Variants in BCAS1 observed in about 807,000 individuals in gnomAD.
BCAS1 encodes brain enriched myelin associated protein 1, also known as breast carcinoma-amplified sequence 1.
Under a neutral mutation model 65.4 loss-of-function variants are expected in BCAS1, and 46 were observed. The ratio of observed to expected loss-of-function variants is 0.70; its 90% CI spans 0.55 to 0.90. The LOEUF (loss-of-function observed/expected upper bound fraction) is 0.90, where lower values mean the gene tolerates loss of function less well. BCAS1 is among the 40% of genes least tolerant of loss of function. The pLI is 0.00. For synonymous variants in BCAS1, 298 were observed against 293.5 expected, an observed-to-expected ratio of 1.02 and a Z score of -0.16; for missense variants, 793 against 771.2, an observed-to-expected ratio of 1.03 and a Z score of -0.33.
intron 10 of BCAS1, 79 bp downstream of exon 10, chr20:53,966,827 T>C (rs1270172985): frequency 2.2e-6 from 3 of 1,345,908 alleles, no homozygotes; most frequent in Admixed American, 4.6e-5. Flanking sequence ...TGTCTCCTAC[T>C]ACCTGTGGCA....
chr20:53,969,614 T>C lies in BCAS1; in HGVS notation c.1318-2541A>G, dbSNP rs144640602. 7.0e-3 allele frequency among the ~76,000 whole-genome samples: 1,066 copies of C among 152,308 alleles called. 20 individuals carry two copies. Among genetic ancestry groups the C allele is most frequent in the African/African-American group, 0.024 (1,000 of 41,558 alleles). The stretch of plus-strand genomic sequence containing the variant: ...AATAGTGGCTTAACCAATGAAAACA[T>C]GGAACAAGAAGTTCTGGGGTTGGTT... On this transcript the variant is annotated intron_variant, in intron 9 of 12. Transcript: ENST00000688948.
intron 4 of BCAS1, among the ~76,000 whole-genome samples, chr20:53,997,770 C>T (rs768795408): frequency 6.6e-6 from 1 of 152,046 alleles, no homozygotes. Context: ...AAAACGTATC[C>T]GGGCTGGGCA....
intron 9 of BCAS1, among the ~76,000 whole-genome samples, chr20:53,974,703 CAG>C (rs2090278118): frequency 6.6e-6 from 1 of 152,146 alleles, no homozygotes; most frequent in South Asian, 2.1e-4. Flanking sequence ...TCTTTCAAGG[CAG>C]AGAGCTGTTG....
chr20:54,058,805 G>T, intron 1 of BCAS1, 82 bp from the exon 2 acceptor site: 1 of 1,514,510 alleles, frequency 6.6e-7, no homozygotes, highest in East Asian at 2.3e-5. Context: ...GCAGAGGCCT[G>T]ACAAGCCGCC....
At chr20:53,958,243 G>C (rs575445417) in intron 10 of BCAS1, among the ~76,000 whole-genome samples, 1 of 152,300 alleles carries the variant, frequency 6.6e-6, no homozygotes, top group Admixed American at 6.5e-5. Context: ...GCCATATACA[G>C]GTTCAGACTC....
chr20:53,996,106 C>A, intron 4 of BCAS1, 56 bp from the exon 5 acceptor site: 2 of 1,509,808 alleles, frequency 1.3e-6, no homozygotes, highest in South Asian at 2.7e-5. Flanking sequence ...CTCTCAAAGT[C>A]ATACTTTTGC....
chr20:53,997,320 A>G (rs1349161314), intron 4 of BCAS1, among the ~76,000 whole-genome samples: 2 of 152,238 alleles, frequency 1.3e-5, no homozygotes, highest in African/African-American at 4.8e-5. Context: ...AAATTTTACA[A>G]ACATAGAATA....
In BCAS1 at chr20:54,027,586, G is replaced by C. The variant is rs77229046; in HGVS notation, c.723+806C>G. Among the ~76,000 whole-genome samples, 450 of 152,230 alleles carry C rather than the reference G, an allele frequency of 3.0e-3. 2 individuals carry two copies. Among genetic ancestry groups the C allele is most frequent in the African/African-American group, 0.01 (432 of 41,514 alleles). ...TTATTTAAAAAGTCTGTTAACCAAG[G>C]AAATGCATGCCCTAAACCTATAATG... On this transcript the variant is annotated intron_variant, in intron 4 of 12. Transcript: ENST00000688948.
intron 11 of BCAS1, among the ~76,000 whole-genome samples, chr20:53,956,027 C>T (rs1442161693): frequency 1.3e-5 from 2 of 152,084 alleles, no homozygotes; most frequent in East Asian, 1.9e-4. Context: ...CAGTCATTAC[C>T]GTCCATTTGT....
intron 3 of BCAS1, among the ~76,000 whole-genome samples, chr20:54,056,810 A>C (rs1457088266): frequency 6.6e-6 from 1 of 152,228 alleles, no homozygotes; most frequent in Non-Finnish European, 1.5e-5. Context: ...AGAATCTTAC[A>C]TGTGAAAGAA....
intron 9 of BCAS1, among the ~76,000 whole-genome samples, chr20:53,973,249 C>T (rs1322903326): frequency 1.3e-5 from 2 of 151,922 alleles, no homozygotes. Flanking sequence ...AACAAACACA[C>T]AAACAGAAAA....
At chr20:54,037,066 G>C (rs577413854) in intron 3 of BCAS1, among the ~76,000 whole-genome samples, 1 of 148,848 alleles carries the variant, frequency 6.7e-6, no homozygotes, top group Admixed American at 6.7e-5. Context: ...TTTTTTTCAT[G>C]TGCCAAAGCT....
At chr20:53,994,272 G>A (rs1296827213) in intron 6 of BCAS1, among the ~76,000 whole-genome samples, 2 of 152,232 alleles carry the variant, frequency 1.3e-5, no homozygotes, top group Non-Finnish European at 2.9e-5. Context: ...CATGGTTCCC[G>A]TGAAACTTAA....
At chr20:54,022,472 G>T (rs1405672938) in intron 4 of BCAS1, among the ~76,000 whole-genome samples, 1 of 152,058 alleles carries the variant, frequency 6.6e-6, no homozygotes, top group Non-Finnish European at 1.5e-5. Context: ...ACTACTGATG[G>T]CCTATATTAT....
At chr20:54,057,178 T>C (rs2092308566) in intron 3 of BCAS1, among the ~76,000 whole-genome samples, 1 of 152,238 alleles carries the variant, frequency 6.6e-6, no homozygotes, top group East Asian at 1.9e-4. Flanking sequence ...TATGCCTCAG[T>C]TTTAACACTG....
At chr20:53,973,907 C>A (rs913373879) in intron 9 of BCAS1, among the ~76,000 whole-genome samples, 4 of 152,160 alleles carry the variant, frequency 2.6e-5, no homozygotes, top group African/African-American at 9.7e-5. Flanking sequence ...ACTTGGAGAA[C>A]TTTTCTGTCT....
At chr20:53,987,086 C>T (rs1170559570) in intron 7 of BCAS1, among the ~76,000 whole-genome samples, 2 of 152,150 alleles carry the variant, frequency 1.3e-5, no homozygotes, top group African/African-American at 2.4e-5. Context: ...AGAGCTCTTC[C>T]CAGGCAGCAT....
At chr20:53,959,405 C>T (rs2089805539) in intron 10 of BCAS1, among the ~76,000 whole-genome samples, 1 of 152,160 alleles carries the variant, frequency 6.6e-6, no homozygotes, top group South Asian at 2.1e-4. Context: ...AGGCGCCTGC[C>T]AACACGCCCT....
intron 3 of BCAS1, among the ~76,000 whole-genome samples, chr20:54,048,589 G>A (rs1179477500): frequency 6.6e-6 from 1 of 152,194 alleles, no homozygotes; most frequent in African/African-American, 2.4e-5. Flanking sequence ...TTGGTTCTGT[G>A]ACAGCCATCT....
Sources: allele counts gnomAD v4.1 joint callset (sites outside exome capture counted in the v4.1 genomes callset), GRCh38; gene constraint gnomAD v4.1.1; transcripts MANE v1.5; gene names NCBI Gene and HGNC (gene_info 2026-07-23, HGNC 2026-07-21).